Variants in DCAF8L2 observed in about 807,000 individuals in gnomAD.
DCAF8L2 encodes the protein DDB1- and CUL4-associated factor 8-like protein 2.
For synonymous variants in DCAF8L2, 200 were observed against 190.9 expected, an observed-to-expected ratio of 1.05 and a Z score of -0.39; for missense variants, 430 against 490.7, an observed-to-expected ratio of 0.88 and a Z score of 1.17.
chrX:27,597,779 G>A (rs1926424394), intron 1 of DCAF8L2, among the ~76,000 whole-genome samples: 1 of 112,291 alleles, frequency 8.9e-6, no homozygotes, highest in South Asian at 3.6e-4. Context: ...AGCATTAAAT[G>A]TTGCTATGAA....
At chrX:27,677,422 A>G (rs1418425323) in intron 2 of DCAF8L2, among the ~76,000 whole-genome samples, 2 of 112,277 alleles carry the variant, frequency 1.8e-5, no homozygotes, top group Non-Finnish European at 3.8e-5. Context: ...AAATGTATTG[A>G]GAGCCTGTGA....
the DCAF8L2 span, among the ~76,000 whole-genome samples, chrX:27,550,130 T>A: frequency 4.5e-5 from 5 of 112,274 alleles, no homozygotes; most frequent in Admixed American, 2.8e-4. Flanking sequence ...AAAGCAACTC[T>A]AAAGTGGGAT....
intron 4 of DCAF8L2, among the ~76,000 whole-genome samples, chrX:27,725,374 C>T (rs5926883): frequency 0.29 from 32,405 of 110,057 alleles, 4,004 homozygotes; most frequent in Middle Eastern, 0.43. Context: ...AAGATAGACT[C>T]TTAGCTCAGC....
chrX:27,644,370 T>C (rs149263656), intron 2 of DCAF8L2, among the ~76,000 whole-genome samples: 1 of 111,791 alleles, frequency 8.9e-6, no homozygotes, highest in Non-Finnish European at 1.9e-5. Flanking sequence ...AGAGGAGATA[T>C]TCAATTACTG....
chrX:27,596,030 A>AAAAAC (rs1195750991), intron 1 of DCAF8L2, among the ~76,000 whole-genome samples: 1 of 112,270 alleles, frequency 8.9e-6, no homozygotes, highest in African/African-American at 3.2e-5. Flanking sequence ...CCATCTCCAA[A>AAAAAC]AAAACAAAAC....
Position 27,590,991 on chromosome X carries a change from T to TA in DCAF8L2, c.-342+551_-342+552insA, listed in dbSNP as rs1926046772. ...AAATGTTTATAAAAGCCTTTACATT[T>TA]TATATATATATATATATATATATAA... On this transcript the variant is annotated intron_variant, in intron 1 of 4. Coordinates refer to ENST00000451261, the MANE Select transcript of DCAF8L2 (RefSeq NM_001353450.2). Among the ~76,000 whole-genome samples, 4 of 68,055 alleles carry TA rather than the reference T, an allele frequency of 5.9e-5. 1 individual carries two copies. Among genetic ancestry groups the TA allele is most frequent in the African/African-American group, 1.8e-4 (4 of 22,635 alleles). 59.1% of individuals were successfully genotyped at this position (68,055 alleles called of 115,157 possible).
chrX:27,740,004 T>G lies in DCAF8L2; in HGVS notation c.-58-6834T>G, dbSNP rs139182423. 9.7e-3 allele frequency among the ~76,000 whole-genome samples: 1,075 copies of G among 111,338 alleles called. 16 individuals carry two copies. The highest frequency in any genetic ancestry group is 0.033 in the African/African-American group (1,007 of 30,602). The stretch of plus-strand genomic sequence containing the variant: ...GGATGGCTAATGTCACGCCAGACTC[T>G]CCACACTCCCCTTTTCGTCTCAGGT... On this transcript the variant is annotated intron_variant, in intron 4 of 4. Transcript: ENST00000451261.
chrX:27,725,419 A>G (rs1932037656), intron 4 of DCAF8L2, among the ~76,000 whole-genome samples: 1 of 111,208 alleles, frequency 9.0e-6, no homozygotes, highest in Non-Finnish European at 1.9e-5. Flanking sequence ...AGAGTTAATA[A>G]TAGCTAGAAT....
intron 1 of DCAF8L2, among the ~76,000 whole-genome samples, chrX:27,610,900 C>T (rs975846974): frequency 3.6e-5 from 4 of 112,293 alleles, no homozygotes; most frequent in Non-Finnish European, 7.5e-5. Context: ...CAGATTAATA[C>T]GGCCTCTAGT....
intron 1 of DCAF8L2, among the ~76,000 whole-genome samples, chrX:27,615,940 AAT>A (rs1927453716): frequency 9.0e-6 from 1 of 111,263 alleles, no homozygotes; most frequent in South Asian, 3.7e-4. Context: ...TTATTTAAAA[AAT>A]AGAGAAGATA....
chrX:27,620,192 T>C (rs1012725169), intron 1 of DCAF8L2, among the ~76,000 whole-genome samples: 6 of 111,841 alleles, frequency 5.4e-5, no homozygotes, highest in African/African-American at 1.9e-4. Context: ...GACACTCTCA[T>C]ATCTTGCTAA....
chrX:27,512,260 G>A, the DCAF8L2 span, among the ~76,000 whole-genome samples: 3,702 of 111,195 alleles, frequency 0.033, 148 homozygotes, highest in African/African-American at 0.11. Flanking sequence ...GGCAGAGTGA[G>A]ATACTGTCAC....
intron 3 of DCAF8L2, among the ~76,000 whole-genome samples, chrX:27,693,791 A>C (rs1449256258): frequency 8.9e-6 from 1 of 112,342 alleles, no homozygotes; most frequent in Non-Finnish European, 1.9e-5. Flanking sequence ...ACCACTGTGG[A>C]AAGCAGTTTG....
At chrX:27,675,985 G>A (rs1340871779) in intron 2 of DCAF8L2, among the ~76,000 whole-genome samples, 2 of 112,146 alleles carry the variant, frequency 1.8e-5, no homozygotes, top group Non-Finnish European at 3.8e-5. Flanking sequence ...AGTACCTTAA[G>A]TTTTGGTTTA....
intron 4 of DCAF8L2, among the ~76,000 whole-genome samples, chrX:27,742,693 A>G (rs1319318044): frequency 8.9e-6 from 1 of 112,018 alleles, no homozygotes; most frequent in African/African-American, 3.2e-5. Context: ...CTAAAAGTCT[A>G]TGCTCTTGCA....
At chrX:27,720,022 T>C (rs1931837732) in intron 4 of DCAF8L2, among the ~76,000 whole-genome samples, 1 of 111,417 alleles carries the variant, frequency 9.0e-6, no homozygotes, top group African/African-American at 3.3e-5. Context: ...TTTGTATCTT[T>C]ATCTTACATA....
At chrX:27,688,573 A>T (rs111340706) in intron 3 of DCAF8L2, among the ~76,000 whole-genome samples, 3,779 of 107,802 alleles carry the variant, frequency 0.035, 162 homozygotes, top group African/African-American at 0.13. Flanking sequence ...TATTCAAAAA[A>T]TAGTAGCTTT....
the DCAF8L2 span, among the ~76,000 whole-genome samples, chrX:27,510,328 G>A: frequency 1.5e-4 from 17 of 109,713 alleles, no homozygotes; most frequent in Non-Finnish European, 1.9e-5. Flanking sequence ...AATTTAGCAT[G>A]GGGCATTAAT....
At chrX:27,598,550 G>T (rs1245495516) in intron 1 of DCAF8L2, among the ~76,000 whole-genome samples, 2 of 112,496 alleles carry the variant, frequency 1.8e-5, no homozygotes, top group Non-Finnish European at 3.8e-5. Flanking sequence ...GTATTCCCAA[G>T]GTTGTAAGAC....
Sources: gnomAD v4.1 joint callset for allele counts (sites outside exome capture counted in the v4.1 genomes callset) on GRCh38, gnomAD v4.1.1 for gene constraint, MANE v1.5 for transcripts, NCBI Gene and HGNC (gene_info 2026-07-23, HGNC 2026-07-21) for gene names.